SMG6: variants seen among roughly 807,000 people sequenced by gnomAD.
SMG6 encodes the protein SMG6 nonsense mediated mRNA decay factor, also known as telomerase-binding protein EST1A.
In SMG6, 66 loss-of-function variants were observed where a neutral mutation model predicts 142.2. That is an observed-to-expected ratio of 0.46 (90% CI 0.38 to 0.57). The LOEUF is 0.57. Ranked by LOEUF, SMG6 falls within the 20% of genes least tolerant of loss-of-function variation. The pLI, the probability that SMG6 is intolerant of heterozygous loss-of-function variation, is 0.00. For missense variants in SMG6, 1,793 were observed against 1,832.0 expected, an observed-to-expected ratio of 0.98 and a Z score of 0.39; for synonymous variants, 779 against 702.4, an observed-to-expected ratio of 1.11 and a Z score of -1.72.
At chr17:2,127,663 C>G in intron 13 of SMG6, 1 of 567,966 alleles carries the variant, frequency 1.8e-6, no homozygotes, top group African/African-American at 1.9e-5. Context: ...TTCTTTTACT[C>G]TGCTCTTTTC....
chr17:2,266,913 T>G (rs1247817743), intron 8 of SMG6, among the ~76,000 whole-genome samples: 1 of 152,142 alleles, frequency 6.6e-6, no homozygotes, highest in Admixed American at 6.5e-5. Context: ...TATCAACATC[T>G]GAAAAACCCG....
chr17:2,250,938 A>AT (rs2074033176), intron 8 of SMG6, among the ~76,000 whole-genome samples: 2 of 152,284 alleles, frequency 1.3e-5, no homozygotes, highest in Non-Finnish European at 2.9e-5. Flanking sequence ...TATGCTGGGC[A>AT]TAAGAGGAAA....
rs930174861 is a variant in SMG6, at chr17:2,085,146, G to A, written c.3534+579C>T. Among the ~76,000 whole-genome samples the A allele has an allele frequency of 1.3e-5, 2 of 151,730 alleles. No individual in the cohort carries two copies. The highest frequency in any genetic ancestry group is 2.4e-5 in the African/African-American group (1 of 41,228). Reference sequence around the variant, plus strand: ...CGCGTGCGCACACACACACACAGACGCGCACACACACACACAGACACACAC... The same window carrying A: ...CGCGTGCGCACACACACACACAGACACGCACACACACACACAGACACACAC... On this transcript the variant is annotated intron_variant, in intron 14 of 18. Transcript: ENST00000263073. The surrounding 1 kb of genome is among the most constrained non-coding windows in gnomAD (Gnocchi z 4.1).
At chr17:2,215,450 C>T (rs1335896525) in intron 10 of SMG6, 1 of 152,098 alleles carries the variant, frequency 6.6e-6, no homozygotes, top group Non-Finnish European at 1.5e-5. Context: ...GGAAACGAGA[C>T]AGACATGAAA....
chr17:2,252,959 T>C (rs1429820256), intron 8 of SMG6, among the ~76,000 whole-genome samples: 1 of 151,910 alleles, frequency 6.6e-6, no homozygotes, highest in Non-Finnish European at 1.5e-5. Context: ...GACATGAAAA[T>C]TATATGAAAT....
At chr17:2,113,243 A>AT (rs1166603365) in intron 13 of SMG6, among the ~76,000 whole-genome samples, 1,825 of 147,178 alleles carry the variant, frequency 0.012, 42 homozygotes, top group African/African-American at 0.04. Flanking sequence ...TGCCTGGCCA[A>AT]TTTTTTTTTT....
rs556757004 is a variant in SMG6 at position 2,161,400 on chromosome 17, C to T, written c.3357+11258G>A. 9.2e-5 allele frequency among the ~76,000 whole-genome samples: 14 copies of T among 151,832 alleles called. No homozygotes were observed. In the East Asian group the frequency reaches 1.5e-3, roughly 17 times the overall value. ...GATTACAGGCATGAGCCACCAATCC[C>T]GGCCTTTATTTATTTATTTTTTTTT... On this transcript the variant is annotated intron_variant, in intron 13 of 18. Transcript: ENST00000263073.
chr17:2,283,111 A>C (rs2074827201), intron 7 of SMG6, among the ~76,000 whole-genome samples: 1 of 152,230 alleles, frequency 6.6e-6, no homozygotes. Flanking sequence ...CAGAGGTTGC[A>C]GTGAGCCAAG....
chr17:2,107,787 G>T (rs1371246870), intron 13 of SMG6, among the ~76,000 whole-genome samples: 2 of 152,220 alleles, frequency 1.3e-5, no homozygotes, highest in Non-Finnish European at 2.9e-5. Flanking sequence ...ATGTTCATGG[G>T]ACTGCGTGCC....
chr17:2,209,345 C>T (rs533175605), intron 10 of SMG6, among the ~76,000 whole-genome samples: 18 of 152,048 alleles, frequency 1.2e-4, no homozygotes, highest in African/African-American at 3.4e-4. Flanking sequence ...TGGGATTACA[C>T]GTGCACGCCA....
intron 13 of SMG6, among the ~76,000 whole-genome samples, chr17:2,110,581 G>GC (rs1282367048): frequency 1.3e-5 from 2 of 152,096 alleles, no homozygotes; most frequent in Non-Finnish European, 2.9e-5. Flanking sequence ...GTGTTGGGGG[G>GC]ACTGATGGAA....
chr17:2,135,143 G>A (rs1320337860), intron 13 of SMG6, among the ~76,000 whole-genome samples: 1 of 152,150 alleles, frequency 6.6e-6, no homozygotes, highest in Non-Finnish European at 1.5e-5. Context: ...GCCTCCCAAA[G>A]TGCTGGGATT....
chr17:2,091,723 T>G (rs1046327567), intron 13 of SMG6, among the ~76,000 whole-genome samples: 1 of 150,880 alleles, frequency 6.6e-6, no homozygotes, highest in African/African-American at 2.4e-5. Flanking sequence ...CAGGCTGGAG[T>G]GCAGTGGTGC....
intron 3 of SMG6, 136 bp downstream of exon 3, chr17:2,297,727 A>G: frequency 3.4e-6 from 3 of 872,704 alleles, no homozygotes; most frequent in Non-Finnish European, 5.3e-6. Flanking sequence ...GGTGTAGGGA[A>G]GGCTCAGAAC....
intron 15 of SMG6, among the ~76,000 whole-genome samples, chr17:2,078,192 G>C (rs75158056): frequency 6.6e-6 from 1 of 151,986 alleles, no homozygotes; most frequent in Non-Finnish European, 1.5e-5. Flanking sequence ...GCAATGCAGG[G>C]GCCTTGACTG....
chr17:2,171,322 T>C (rs894231118), intron 13 of SMG6, among the ~76,000 whole-genome samples: 4 of 149,792 alleles, frequency 2.7e-5, no homozygotes, highest in African/African-American at 9.9e-5. Context: ...TATATAAATA[T>C]TAATATAACC....
chr17:2,283,124 C>T (rs983497045), intron 7 of SMG6, among the ~76,000 whole-genome samples: 2 of 152,284 alleles, frequency 1.3e-5, no homozygotes, highest in South Asian at 2.1e-4. Flanking sequence ...GAGCCAAGAT[C>T]GCATCACTGC....
chr17:2,133,908 C>T (rs1339413451), intron 13 of SMG6, among the ~76,000 whole-genome samples: 1 of 152,152 alleles, frequency 6.6e-6, no homozygotes. Context: ...TGGGATGGGA[C>T]CACATTGTAG....
intron 13 of SMG6, among the ~76,000 whole-genome samples, chr17:2,132,701 T>C (rs2070162393): frequency 6.6e-6 from 1 of 152,190 alleles, no homozygotes; most frequent in Non-Finnish European, 1.5e-5. Context: ...ACCTAAAGCA[T>C]GTCAATCTCT....
Sources: gnomAD v4.1 joint callset for allele counts (sites outside exome capture counted in the v4.1 genomes callset) on GRCh38, gnomAD v4.1.1 for gene constraint, Gnocchi (gnomAD v3.1) non-coding constraint, MANE v1.5 for transcripts, NCBI Gene and HGNC (gene_info 2026-07-23, HGNC 2026-07-21) for gene names.